The following SLC49A4 variants were observed in gnomAD, a reference collection of about 807,000 sequenced individuals.
SLC49A4 encodes the protein solute carrier family 49 member 4.
Under a neutral mutation model 50.6 loss-of-function variants are expected in SLC49A4, and 36 were observed. The observed-to-expected ratio is 0.71, with a 90% CI of 0.55 to 0.94. The LOEUF is 0.94. SLC49A4 is among the 40% of genes least tolerant of loss of function. The pLI is 0.00. For missense variants in SLC49A4, 503 were observed against 605.7 expected (o/e 0.83, Z 1.78); for synonymous variants, 248 against 241.2 (o/e 1.03, Z -0.26).
Position 122,826,937 on chromosome 3 carries a change from T to G in SLC49A4, c.575T>G (p.Leu192Arg), listed in dbSNP as rs749091197. The change falls in exon 3 of 9, where the codon CTT (leucine) becomes CGT (arginine). Residue 192 changes from leucine (L) to arginine (R), a missense_variant. Leu to Arg is a moderately radical substitution (Grantham distance 102). Coordinates refer to ENST00000261038, the MANE Select transcript of SLC49A4 (RefSeq NM_032839.3). ...ATAIASMLSY[L>R]GGACAFLVGP... Reference sequence around the variant, plus strand: ...GCTATTGCATCAATGCTCAGTTATCTTGGGGGAGCATGTGCATTTTTAGTT... The same window carrying G: ...GCTATTGCATCAATGCTCAGTTATCGTGGGGGAGCATGTGCATTTTTAGTT... 6.8e-6 allele frequency: 11 copies of G among 1,614,122 alleles called. No homozygotes were observed. Among genetic ancestry groups the G allele is most frequent in the Non-Finnish European group, 7.6e-6 (9 of 1,180,048 alleles).
intron 4 of SLC49A4, among the ~76,000 whole-genome samples, chr3:122,836,738 A>C (rs899943773): frequency 9.2e-5 from 14 of 152,154 alleles, no homozygotes; most frequent in African/African-American, 3.1e-4. Context: ...GAAGGAAATA[A>C]AGGGTATTCA....
chr3:122,827,680 GTTTGTTA>G (rs1936551946), intron 3 of SLC49A4, among the ~76,000 whole-genome samples: 1 of 152,142 alleles, frequency 6.6e-6, no homozygotes. Flanking sequence ...CTATATCCCT[GTTTGTTA>G]TTTCCTCTGC....
intron 7 of SLC49A4, among the ~76,000 whole-genome samples, chr3:122,861,981 T>C: frequency 6.6e-6 from 1 of 152,140 alleles, no homozygotes; most frequent in Non-Finnish European, 1.5e-5. Context: ...TGGTGGTTGC[T>C]GTGATAAAAA....
intron 2 of SLC49A4, among the ~76,000 whole-genome samples, chr3:122,808,442 G>C (rs1233118257): frequency 6.6e-6 from 1 of 152,204 alleles, no homozygotes; most frequent in East Asian, 1.9e-4. Flanking sequence ...GGATGATGCA[G>C]TATCTAGGAA....
chr3:122,870,376 A>G (rs1215803121), intron 7 of SLC49A4, among the ~76,000 whole-genome samples: 1 of 151,200 alleles, frequency 6.6e-6, no homozygotes, highest in African/African-American at 2.4e-5. Flanking sequence ...CTTTATTATT[A>G]TTATCATTAT....
chr3:122,826,964 G>C lies in SLC49A4; in HGVS notation c.602G>C (p.Gly201Ala). 1 of 1,614,174 alleles carries C rather than the reference G, an allele frequency of 6.2e-7. No homozygotes were observed. The highest frequency in any genetic ancestry group is 1.1e-5 in the South Asian group (1 of 91,092). ...YLGGACAFLV[G>A]PLVVPAPNGT... ...GGGGGAGCATGTGCATTTTTAGTTG[G>C]ACCACTTGTTGTTCCAGCTCCCAAT... is the stretch of plus-strand genomic sequence containing the variant. The change falls in exon 3 of 9, where the codon GGA (glycine) becomes GCA (alanine). Residue 201 changes from glycine (G) to alanine (A), a missense_variant. Gly to Ala is a moderately conservative substitution (Grantham distance 60). Transcript: ENST00000261038.
rs917742668 is a variant in SLC49A4 at position 122,862,349 on chromosome 3, C to G, written c.1138+2147C>G. Among the ~76,000 whole-genome samples, 6 of 152,162 alleles carry G rather than the reference C, an allele frequency of 3.9e-5. No homozygotes were observed. The South Asian group carries it at 1.2e-3, about 31-fold the overall frequency. On this transcript the variant is annotated intron_variant, in intron 7 of 8. Coordinates refer to ENST00000261038, the MANE Select transcript of SLC49A4 (RefSeq NM_032839.3). ...CAAAGAAGGCCTGGAAATCCCTGTT[C>G]TACACCATCCTGCCAACAGTCCCTC...
intron 6 of SLC49A4, 133 bp from the exon 7 acceptor site, chr3:122,859,942 A>G (rs1434130447): frequency 2.3e-6 from 2 of 876,798 alleles, no homozygotes; most frequent in Non-Finnish European, 1.6e-6. Context: ...AATTTGTTTT[A>G]AAAAAACACT....
intron 4 of SLC49A4, among the ~76,000 whole-genome samples, chr3:122,839,278 A>G (rs1241409166): frequency 6.6e-6 from 1 of 152,208 alleles, no homozygotes; most frequent in Non-Finnish European, 1.5e-5. Flanking sequence ...AAGATCTGAA[A>G]CCATAAAAAT....
chr3:122,821,027 G>A (rs1358503567), intron 2 of SLC49A4, among the ~76,000 whole-genome samples: 1 of 152,226 alleles, frequency 6.6e-6, no homozygotes, highest in African/African-American at 2.4e-5. Context: ...TGCTGTTCTT[G>A]TGATAGTGTG....
Position 122,869,326 on chromosome 3 carries a change from G to A in SLC49A4, c.1139-3089G>A, listed in dbSNP as rs549607964. 1.4e-3 allele frequency among the ~76,000 whole-genome samples: 212 copies of A among 152,078 alleles called. 1 individual carries two copies. Among genetic ancestry groups the A allele is most frequent in the African/African-American group, 4.6e-3 (189 of 41,496 alleles). ...TACAGATAGATAACGTGTATGTGCC[G>A]TTTATTTTAATATAACATACTTTTC... On this transcript the variant is annotated intron_variant, in intron 7 of 8. Transcript: ENST00000261038.
chr3:122,806,408 C>T (rs11712294), intron 1 of SLC49A4, among the ~76,000 whole-genome samples: 15,584 of 152,074 alleles, frequency 0.1, 831 homozygotes, highest in East Asian at 0.14. Context: ...AACAGAGTCT[C>T]ACTCTGTCGC....
chr3:122,870,465 C>T (rs1294008952), intron 7 of SLC49A4, among the ~76,000 whole-genome samples: 1 of 151,848 alleles, frequency 6.6e-6, no homozygotes, highest in Non-Finnish European at 1.5e-5. Context: ...AGCCCTGCCT[C>T]AGCCTCCCAA....
chr3:122,854,671 A>G (rs558927220), intron 5 of SLC49A4, among the ~76,000 whole-genome samples: 1 of 152,328 alleles, frequency 6.6e-6, no homozygotes, highest in South Asian at 2.1e-4. Context: ...ACTTCCATTA[A>G]TGAGAACTGA....
chr3:122,857,841 A>G (rs928168982), intron 6 of SLC49A4, among the ~76,000 whole-genome samples: 2 of 152,162 alleles, frequency 1.3e-5, no homozygotes, highest in Non-Finnish European at 2.9e-5. Flanking sequence ...GGGAACAATT[A>G]TGTATCAAAA....
At chr3:122,832,333 A>G (rs778822083) in intron 3 of SLC49A4, among the ~76,000 whole-genome samples, 1 of 152,248 alleles carries the variant, frequency 6.6e-6, no homozygotes. Context: ...TGCCAGAATT[A>G]TAGAGGGAAA....
chr3:122,801,706 A>G (rs1936135978), intron 1 of SLC49A4, among the ~76,000 whole-genome samples: 2 of 152,242 alleles, frequency 1.3e-5, no homozygotes, highest in South Asian at 4.1e-4. Context: ...ACCTCAGACC[A>G]TGGAACAAGA....
At chr3:122,836,779 G>A (rs962891506) in intron 4 of SLC49A4, among the ~76,000 whole-genome samples, 1 of 152,198 alleles carries the variant, frequency 6.6e-6, no homozygotes, top group Non-Finnish European at 1.5e-5. Flanking sequence ...AATTGTGCCT[G>A]TTTGCAGATG....
intron 2 of SLC49A4, among the ~76,000 whole-genome samples, chr3:122,821,717 C>G (rs1198946187): frequency 2.0e-5 from 3 of 152,210 alleles, no homozygotes; most frequent in Non-Finnish European, 1.5e-5. Context: ...CCACCCTTCC[C>G]AAGTCCACTG....
Sources: gnomAD v4.1 joint callset for allele counts (sites outside exome capture counted in the v4.1 genomes callset) on GRCh38, gnomAD v4.1.1 for gene constraint, MANE v1.5 for transcripts, NCBI Gene and HGNC (gene_info 2026-07-23, HGNC 2026-07-21) for gene names.